The following CFAP58 variants were observed in gnomAD, a reference collection of about 807,000 sequenced individuals.
CFAP58 encodes the protein cilia and flagella associated protein 58, also known as cilia- and flagella-associated protein 58.
In CFAP58, 88 loss-of-function variants were observed where a neutral mutation model predicts 119.5. That is an observed-to-expected ratio of 0.74 (90% confidence interval 0.62 to 0.88). The LOEUF is 0.88. Ranked by LOEUF, CFAP58 falls within the 40% of genes least tolerant of loss-of-function variation. The probability of loss-of-function intolerance (pLI) is 0.00; values close to 1 mark genes in which losing one functional copy is unlikely to be tolerated. For synonymous variants in CFAP58, 365 were observed against 366.3 expected (o/e 1.00, Z 0.04); for missense variants, 990 against 1,021.2 (o/e 0.97, Z 0.42).
At position 104,406,704 on chromosome 10, in the gene CFAP58, G is replaced by A. The variant is rs965771406; in HGVS notation, c.2167G>A (p.Ala723Thr). The A allele has an allele frequency of 1.2e-6, 2 of 1,614,016 alleles. No homozygotes were observed. Among genetic ancestry groups the A allele is most frequent in the African/African-American group, 1.3e-5 (1 of 74,908 alleles). Residue 723 changes from alanine (A) to threonine (T), a missense_variant, in exon 15 of 18, where the codon GCA (alanine) becomes ACA (threonine). By Grantham distance (58) the Ala-to-Thr change is moderately conservative (BLOSUM62 0). Transcript: ENST00000369704. The stretch of plus-strand genomic sequence containing the variant: ...CCTTGGACAGGCCAGCGACCCCAAT[G>A]CATATGAGCTGATACAGAAAATTCA... ...WRKLEASDPNAYELIQKIHTL... is the reference protein window; with the variant it reads ...WRKLEASDPNTYELIQKIHTL...
chr10:104,391,983 T>C (rs1480761131), intron 9 of CFAP58, among the ~76,000 whole-genome samples: 1 of 152,164 alleles, frequency 6.6e-6, no homozygotes, highest in African/African-American at 2.4e-5. Flanking sequence ...TTTTTTTCTT[T>C]CTTGTGATCA....
At position 104,383,159 on chromosome 10, in the gene CFAP58, A is replaced by G. The variant is rs575576385; in HGVS notation, c.1365+2939A>G. ...TTCTCTGCATGGCACATTCCTATTC[A>G]CCCTTCGAGACCTAACTCAAATGCT... On this transcript the variant is annotated intron_variant, in intron 9 of 17. Coordinates refer to ENST00000369704, the MANE Select transcript of CFAP58 (RefSeq NM_001008723.2). Among the ~76,000 whole-genome samples the G allele has an allele frequency of 2.0e-5, 3 of 152,044 alleles. No individual in the cohort carries two copies. In the South Asian group the frequency reaches 6.2e-4, roughly 32 times the overall value.
the CFAP58 span, among the ~76,000 whole-genome samples, chr10:104,341,294 T>C: frequency 1.3e-5 from 2 of 151,750 alleles, no homozygotes; most frequent in Non-Finnish European, 2.9e-5. Context: ...ATTAAGCTTA[T>C]AATAAAAAAT....
At chr10:104,428,414 A>G (rs960963303) in intron 15 of CFAP58, among the ~76,000 whole-genome samples, 1 of 152,236 alleles carries the variant, frequency 6.6e-6, no homozygotes, top group Non-Finnish European at 1.5e-5. Flanking sequence ...TTGGAGGGAA[A>G]AAAATGTAAA....
intron 7 of CFAP58, 93 bp from the exon 8 acceptor site, chr10:104,376,718 A>T: frequency 1.1e-6 from 1 of 919,380 alleles, no homozygotes; most frequent in Non-Finnish European, 1.7e-6. Flanking sequence ...CTAGAGACAA[A>T]CATGTAAAGC....
intron 15 of CFAP58, among the ~76,000 whole-genome samples, chr10:104,413,605 A>G (rs1054426659): frequency 2.0e-5 from 3 of 152,028 alleles, no homozygotes; most frequent in African/African-American, 7.2e-5. Flanking sequence ...TCTCATCTGA[A>G]TCCTTCAGGA....
Position 104,362,314 on chromosome 10 carries a change from C to T in CFAP58, c.440+143C>T, listed in dbSNP as rs1564878505. The T allele has an allele frequency of 7.3e-6, 5 of 682,740 alleles. No homozygotes were observed. The South Asian group carries it at 7.4e-5, about 10-fold the overall frequency. The allele number at this position is 682,740 out of a possible 1,614,324, so 42.3% of individuals were successfully genotyped here. On this transcript the variant is annotated intron_variant, in intron 3 of 17. Transcript: ENST00000369704. ...TTATTGGGTTCTTAGAGATTGTTTT[C>T]TGTCTGTTGCATTTTAAGTAATGTT...
In CFAP58 at chr10:104,353,877, C is replaced by T. The variant is rs2014503142; in HGVS notation, c.-21C>T. On this transcript the variant is annotated 5_prime_UTR_variant, in exon 1 of 18. Coordinates refer to ENST00000369704, the MANE Select transcript of CFAP58 (RefSeq NM_001008723.2). ...GCGATCTCCACAGCAGCCTCTGAGG[C>T]CGCCCCCAGAGAGCATCAGGATGGC... is the stretch of plus-strand genomic sequence containing the variant. The T allele has an allele frequency of 6.2e-7, 1 of 1,611,514 alleles. No individual in the cohort carries two copies. The highest frequency in any genetic ancestry group is 2.2e-5 in the East Asian group (1 of 44,844).
Position 104,400,859 on chromosome 10 carries a change from A to G in CFAP58, c.1995A>G (p.Glu665=), listed in dbSNP as rs773249879. The G allele has an allele frequency of 4.3e-6, 7 of 1,614,164 alleles. No individual in the cohort carries two copies. The highest frequency in any genetic ancestry group is 1.1e-5 in the South Asian group (1 of 91,080). The change falls in exon 13 of 18, where the codon GAA becomes GAG. Residue 665 remains glutamate (E), a synonymous_variant. Transcript: ENST00000369704. ...TTGAGATCAAGAAGCTTCGCCGGGA[A>G]AAGGGGATTCTTGCCAGGAGTATGG... ...LRLEIKKLRR[E]KGILARSMAN...
the CFAP58 span, among the ~76,000 whole-genome samples, chr10:104,340,990 A>C: frequency 6.6e-6 from 1 of 152,186 alleles, no homozygotes. Flanking sequence ...CTTCTATAGA[A>C]ATGAAAACCC....
the CFAP58 span, among the ~76,000 whole-genome samples, chr10:104,345,518 T>C: frequency 1.3e-5 from 2 of 152,112 alleles, no homozygotes; most frequent in Non-Finnish European, 2.9e-5. Context: ...ATAAGTTAAT[T>C]GTATCTTGCA....
intron 15 of CFAP58, among the ~76,000 whole-genome samples, chr10:104,427,536 G>T (rs915380621): frequency 3.9e-5 from 6 of 151,976 alleles, no homozygotes; most frequent in African/African-American, 1.5e-4. Context: ...GTTATATTTC[G>T]CAAAGCACTC....
the CFAP58 span, among the ~76,000 whole-genome samples, chr10:104,348,195 C>T: frequency 1.3e-5 from 2 of 152,208 alleles, no homozygotes; most frequent in Non-Finnish European, 2.9e-5. Flanking sequence ...GTGGATGATA[C>T]AGACACCCCC....
chr10:104,417,713 A>G (rs190823504), intron 15 of CFAP58, among the ~76,000 whole-genome samples: 1 of 152,294 alleles, frequency 6.6e-6, no homozygotes. Flanking sequence ...TACATTCAAT[A>G]CTCAATGTAC....
intron 17 of CFAP58, among the ~76,000 whole-genome samples, chr10:104,451,605 T>C (rs1229025577): frequency 2.0e-5 from 3 of 152,230 alleles, no homozygotes; most frequent in African/African-American, 7.2e-5. Context: ...AAATGAATGC[T>C]GGAGTGGAAA....
At chr10:104,440,655 C>T (rs1016625396) in intron 15 of CFAP58, among the ~76,000 whole-genome samples, 4 of 152,140 alleles carry the variant, frequency 2.6e-5, no homozygotes, top group Admixed American at 6.5e-5. Context: ...AATTTCTCCA[C>T]GGTATTCAGA....
At chr10:104,414,813 G>A (rs2133060134) in intron 15 of CFAP58, among the ~76,000 whole-genome samples, 1 of 152,314 alleles carries the variant, frequency 6.6e-6, no homozygotes, top group South Asian at 2.1e-4. Context: ...GGGACTACAG[G>A]CGCCTGCCAC....
chr10:104,403,031 A>G (rs1366129471), intron 13 of CFAP58, among the ~76,000 whole-genome samples: 2 of 152,200 alleles, frequency 1.3e-5, no homozygotes, highest in Admixed American at 1.3e-4. Flanking sequence ...AACATTAAAC[A>G]GTATATTGAA....
intron 7 of CFAP58, among the ~76,000 whole-genome samples, chr10:104,374,197 C>T (rs569297439): frequency 5.9e-5 from 9 of 151,998 alleles, no homozygotes; most frequent in African/African-American, 1.2e-4. Context: ...TGGTGGCTCA[C>T]GCCTATAATC....
Sources: allele counts gnomAD v4.1 joint callset (sites outside exome capture counted in the v4.1 genomes callset), GRCh38; gene constraint gnomAD v4.1.1; transcripts MANE v1.5; gene names NCBI Gene and HGNC (gene_info 2026-07-23, HGNC 2026-07-21).